Variants in COL6A5 observed in about 807,000 individuals in gnomAD.
COL6A5 encodes the protein collagen type VI alpha 5 chain, also known as collagen alpha-5(VI) chain.
COL6A5 carries 48 observed loss-of-function variants against 65.6 expected under a neutral mutation model. The ratio of observed to expected loss-of-function variants is 0.73; its 90% CI spans 0.58 to 0.93. COL6A5 has a LOEUF of 0.93. Ranked by LOEUF, COL6A5 falls within the 40% of genes least tolerant of loss-of-function variation. The pLI is 0.00. For synonymous variants in COL6A5, 291 were observed against 322.8 expected, an observed-to-expected ratio of 0.90 and a Z score of 1.05; for missense variants, 914 against 928.3, an observed-to-expected ratio of 0.98 and a Z score of 0.20.
At chr3:130,379,685 C>A (rs1577447268) in exon 4 of COL6A5, 5 of 1,551,438 alleles carry the variant, frequency 3.2e-6, no homozygotes, top group Non-Finnish European at 4.4e-6. Context: ...GTTGGGAAAT[C>A]CAATACAGGG....
chr3:130,382,717 C>T (rs1447438638), intron 4 of COL6A5, among the ~76,000 whole-genome samples: 4 of 152,096 alleles, frequency 2.6e-5, no homozygotes, highest in Non-Finnish European at 5.9e-5. Flanking sequence ...CTATATCTGG[C>T]TTAGTCCCTG....
At chr3:130,384,908 ACAGAAATGTTTAG>A in exon 5 of COL6A5, 1 of 1,550,976 alleles carries the variant, frequency 6.4e-7, no homozygotes, top group South Asian at 1.2e-5. Context: ...GTTGGAAGTG[ACAGAAATGTTTAG>A]CATTGGCCCA....
At chr3:130,434,890 G>A (rs753618621) in intron 1 of COL6A5, among the ~76,000 whole-genome samples, 6 of 152,118 alleles carry the variant, frequency 3.9e-5, no homozygotes, top group Non-Finnish European at 7.3e-5. Flanking sequence ...TCTGTAGGTT[G>A]CCTGTTCACT....
chr3:130,469,095 A>C, exon 6 of COL6A5: 1 of 1,613,046 alleles, frequency 6.2e-7, no homozygotes, highest in African/African-American at 1.3e-5. Flanking sequence ...TTGGTTACTT[A>C]TAACAGTATA....
At chr3:130,471,826 T>C (rs897877926) in intron 7 of COL6A5, 1 of 1,535,196 alleles carries the variant, frequency 6.5e-7, no homozygotes, top group Non-Finnish European at 8.7e-7. Flanking sequence ...AGAAGTTATA[T>C]CTGCTCTTTT....
At chr3:130,437,590 AAGT>A (rs1709064123) in intron 1 of COL6A5, among the ~76,000 whole-genome samples, 1 of 152,076 alleles carries the variant, frequency 6.6e-6, no homozygotes, top group Non-Finnish European at 1.5e-5. Context: ...AATGGCTTGC[AAGT>A]CTCTAAATGA....
At chr3:130,455,720 T>G in intron 5 of COL6A5, 54 bp downstream of exon 37, 1 of 1,368,540 alleles carries the variant, frequency 7.3e-7, no homozygotes, top group Non-Finnish European at 1.0e-6. Flanking sequence ...GATCCTCATC[T>G]TTTAACACTA....
intron 1 of COL6A5, among the ~76,000 whole-genome samples, chr3:130,369,086 C>T (rs1289280957): frequency 6.6e-6 from 1 of 152,116 alleles, no homozygotes; most frequent in Non-Finnish European, 1.5e-5. Flanking sequence ...GCTTTTGTTG[C>T]ATAAATCCTG....
chr3:130,464,436 C>G (rs1421245173), intron 5 of COL6A5, among the ~76,000 whole-genome samples: 2 of 152,032 alleles, frequency 1.3e-5, no homozygotes, highest in Non-Finnish European at 2.9e-5. Context: ...CCCAGCAATG[C>G]TTTTCTTTAT....
chr3:130,456,184 G>C (rs819084), intron 5 of COL6A5, among the ~76,000 whole-genome samples: 1 of 151,906 alleles, frequency 6.6e-6, no homozygotes, highest in African/African-American at 2.4e-5. Context: ...TTATTTTTGT[G>C]GTACCCAGAA....
intron 5 of COL6A5, among the ~76,000 whole-genome samples, chr3:130,456,460 G>A (rs1313769666): frequency 6.6e-6 from 1 of 151,900 alleles, no homozygotes; most frequent in African/African-American, 2.4e-5. Context: ...AGTATAATTC[G>A]ATTGTGTAAT....
At chr3:130,459,808 T>G (rs969081438) in intron 5 of COL6A5, among the ~76,000 whole-genome samples, 2 of 152,002 alleles carry the variant, frequency 1.3e-5, no homozygotes, top group African/African-American at 2.4e-5. Flanking sequence ...ATTTAGCAAA[T>G]TGAGTTTTTT....
upstream of COL6A5, among the ~76,000 whole-genome samples, chr3:130,426,714 G>C (rs1937610809): frequency 6.6e-6 from 1 of 152,090 alleles, no homozygotes; most frequent in Non-Finnish European, 1.5e-5. Context: ...TGAGCGAAAG[G>C]ACTGGGAGGG....
At chr3:130,477,213 A>G in intron 7 of COL6A5, 1 of 680,098 alleles carries the variant, frequency 1.5e-6, no homozygotes, top group Admixed American at 2.5e-5. Context: ...AAAGTTGAAG[A>G]TGATGCATAT....
chr3:130,405,704 C>G (rs952042300), intron 14 of COL6A5, 45 bp downstream of exon 14: 2 of 1,384,950 alleles, frequency 1.4e-6, no homozygotes, highest in African/African-American at 1.4e-5. Flanking sequence ...CTGTAACATT[C>G]TCTCCCTCTC....
exon 7 of COL6A5, chr3:130,391,264 T>G (rs1936391034): frequency 6.4e-7 from 1 of 1,551,658 alleles, no homozygotes; most frequent in Non-Finnish European, 8.7e-7. Flanking sequence ...ATCACATGAT[T>G]AACCTAACTA....
Position 130,376,156 on chromosome 3 carries a change from A to G in COL6A5, c.68-81A>G, listed in dbSNP as rs186855876. 19 of 1,379,658 alleles carry G rather than the reference A, an allele frequency of 1.4e-5. No individual in the cohort carries two copies. The Admixed American group carries it at 3.0e-4, about 21-fold the overall frequency. The allele number at this position is 1,379,658 out of a possible 1,614,324, so 85.5% of individuals were successfully genotyped here. A position where few individuals can be genotyped will look rare whatever the true frequency, so the allele number is the denominator to read the frequency against. ...TCTGATATACACTTAACACCAGCAC[A>G]TAGTCTTAAATAAGTATTGTGGTCT... On this transcript the variant is annotated intron_variant and NMD_transcript_variant, in intron 2 of 41. Coordinates refer to the COL6A5 transcript ENST00000312481.
chr3:130,428,312 C>T (rs1394549837), upstream of COL6A5, among the ~76,000 whole-genome samples: 1 of 152,078 alleles, frequency 6.6e-6, no homozygotes, highest in East Asian at 1.9e-4. Context: ...ATTTCCAAGG[C>T]TTCTCATCTA....
At chr3:130,481,154 G>A (rs951219428) in intron 7 of COL6A5, among the ~76,000 whole-genome samples, 5 of 151,620 alleles carry the variant, frequency 3.3e-5, no homozygotes, top group Non-Finnish European at 5.9e-5. Flanking sequence ...CCATCAACCC[G>A]TCATCTACAT....
Sources: gnomAD v4.1 joint callset for allele counts (sites outside exome capture counted in the v4.1 genomes callset) on GRCh38, gnomAD v4.1.1 for gene constraint, MANE v1.5 for transcripts, NCBI Gene and HGNC (gene_info 2026-07-23, HGNC 2026-07-21) for gene names.